MBD5: variants seen among roughly 807,000 people sequenced by gnomAD.
The protein encoded by MBD5 is methyl-CpG binding domain protein 5.
MBD5 carries 13 observed loss-of-function variants against 117.3 expected under a neutral mutation model. The ratio of observed to expected loss-of-function variants is 0.11; its 90% CI spans 0.07 to 0.18. The LOEUF is 0.18. Among genes scored for constraint, MBD5 ranks in the 10% least tolerant of loss-of-function variants. The pLI, the probability that MBD5 is intolerant of heterozygous loss-of-function variation, is 1.00. For synonymous variants in MBD5, 727 were observed against 766.4 expected (o/e 0.95, Z 0.85); for missense variants, 1,879 against 2,093.8 (o/e 0.90, Z 2.00).
intron 1 of MBD5, among the ~76,000 whole-genome samples, chr2:148,148,255 C>T (rs1697522765): frequency 6.6e-6 from 1 of 152,096 alleles, no homozygotes; most frequent in East Asian, 1.9e-4. Context: ...TTTGGGAACT[C>T]CTAAAACTGT....
intron 4 of MBD5, among the ~76,000 whole-genome samples, chr2:148,429,740 A>T (rs1211116201): frequency 6.6e-6 from 1 of 152,128 alleles, no homozygotes; most frequent in Non-Finnish European, 1.5e-5. Context: ...GCAAACTAAC[A>T]CAAGAACAGA....
chr2:148,298,070 C>G (rs1701696655), intron 3 of MBD5, among the ~76,000 whole-genome samples: 1 of 152,198 alleles, frequency 6.6e-6, no homozygotes, highest in South Asian at 2.1e-4. Flanking sequence ...TCTTGGCTTG[C>G]TTCTCCCAGC....
chr2:148,258,525 C>T lies in MBD5; in HGVS notation c.-680+25130C>T, dbSNP rs755962523. On this transcript the variant is annotated intron_variant, in intron 3 of 13. Coordinates refer to ENST00000642680, the MANE Select transcript of MBD5 (RefSeq NM_001378120.1). ...TGGCCTCCAATCGTCCAGTGTCCCC[C>T]CAAACTGGGCATCCCGGCAAGTTCC... Among the ~76,000 whole-genome samples, 43 of 152,234 alleles carry T rather than the reference C, an allele frequency of 2.8e-4. 1 individual carries two copies. Among genetic ancestry groups the T allele is most frequent in the Admixed American group, 1.2e-3 (19 of 15,292 alleles).
At chr2:148,385,188 G>T (rs567614287) in intron 4 of MBD5, among the ~76,000 whole-genome samples, 83 of 152,276 alleles carry the variant, frequency 5.5e-4, no homozygotes, top group African/African-American at 1.9e-3. Context: ...CCTACAGAAT[G>T]GGAGAAAATT....
chr2:148,297,940 C>G (rs776262677), intron 3 of MBD5, among the ~76,000 whole-genome samples: 12 of 152,170 alleles, frequency 7.9e-5, no homozygotes, highest in Non-Finnish European at 1.6e-4. Context: ...TTCTCCTCCC[C>G]CTGGGCAAAA....
chr2:148,459,113 A>G (rs937443786), intron 5 of MBD5, among the ~76,000 whole-genome samples: 1 of 152,158 alleles, frequency 6.6e-6, no homozygotes, highest in African/African-American at 2.4e-5. Flanking sequence ...AAGATTTCTA[A>G]AAGAAACATG....
chr2:148,116,210 T>TC lies in MBD5; in HGVS notation c.-924-62484dup, dbSNP rs72541984. Among the ~76,000 whole-genome samples, 583 of 145,724 alleles carry TC rather than the reference T, an allele frequency of 4.0e-3. 1 individual carries two copies. Among genetic ancestry groups the TC allele is most frequent in the African/African-American group, 0.011 (426 of 39,462 alleles). On this transcript the variant is annotated intron_variant, in intron 1 of 13. Coordinates refer to ENST00000642680, the MANE Select transcript of MBD5 (RefSeq NM_001378120.1). Reference sequence around the variant, plus strand: ...TTTTAATGTGGCTAGTACTGTTCCTTCCCCCCACCAAGAGACATATTGGAA... The same window carrying TC: ...TTTTAATGTGGCTAGTACTGTTCCTTCCCCCCCACCAAGAGACATATTGGAA...
At chr2:148,051,406 T>A (rs1694697648) in intron 1 of MBD5, among the ~76,000 whole-genome samples, 1 of 151,996 alleles carries the variant, frequency 6.6e-6, no homozygotes, top group South Asian at 2.1e-4. Flanking sequence ...CATTTCTGTT[T>A]TTCTTTTTTT....
chr2:148,326,096 C>T (rs1296967274), intron 3 of MBD5, among the ~76,000 whole-genome samples: 1 of 152,116 alleles, frequency 6.6e-6, no homozygotes, highest in African/African-American at 2.4e-5. Context: ...GTTATGTACC[C>T]AGTAGTCATT....
At chr2:148,399,384 G>T (rs1559055034) in intron 4 of MBD5, among the ~76,000 whole-genome samples, 1 of 151,676 alleles carries the variant, frequency 6.6e-6, no homozygotes, top group Non-Finnish European at 1.5e-5. Context: ...TTGTAAGTTG[G>T]ATTCCTAGGT....
intron 3 of MBD5, among the ~76,000 whole-genome samples, chr2:148,288,920 A>G (rs775334795): frequency 1.3e-5 from 2 of 152,186 alleles, no homozygotes; most frequent in African/African-American, 2.4e-5. Context: ...AATAAATCTT[A>G]TCCTAACCTG....
chr2:148,154,211 G>T (rs1256015022), intron 1 of MBD5, among the ~76,000 whole-genome samples: 2 of 151,612 alleles, frequency 1.3e-5, no homozygotes, highest in Non-Finnish European at 2.9e-5. Context: ...TGAGGTGTCA[G>T]TCTGCCCCTG....
chr2:148,494,984 T>TA (rs1241730661), intron 11 of MBD5, among the ~76,000 whole-genome samples: 2 of 151,690 alleles, frequency 1.3e-5, no homozygotes, highest in Admixed American at 6.6e-5. Flanking sequence ...ATAAAATAAA[T>TA]AAAAAAAATT....
Position 148,513,843 on chromosome 2 carries a change from T to G in MBD5, c.*902T>G, listed in dbSNP as rs1265076451. The G allele has an allele frequency of 6.6e-6, 1 of 152,238 alleles. No individual in the cohort carries two copies. Among genetic ancestry groups the G allele is most frequent in the Non-Finnish European group, 1.5e-5 (1 of 68,034 alleles). 9.4% of individuals were successfully genotyped at this position (152,238 alleles called of 1,614,324 possible). On this transcript the variant is annotated 3_prime_UTR_variant, in exon 14 of 14. Coordinates refer to ENST00000642680, the MANE Select transcript of MBD5 (RefSeq NM_001378120.1). ...GTTGAAGCAGATAGCTTATACTGAC[T>G]GCACCACCGCTGGTGCTCAGAATTG...
chr2:148,484,854 T>C (rs769513042), intron 9 of MBD5, among the ~76,000 whole-genome samples: 4 of 152,200 alleles, frequency 2.6e-5, no homozygotes, highest in Non-Finnish European at 5.9e-5. Context: ...CCATAAAGTC[T>C]AGAAACAGGG....
chr2:148,389,186 G>GGTGTGTGTGTGCGTGTGTGTGT (rs1704473344), intron 4 of MBD5, among the ~76,000 whole-genome samples: 2 of 89,590 alleles, frequency 2.2e-5, no homozygotes, highest in Non-Finnish European at 4.3e-5. Context: ...AGTATTCCGT[G>GGTGTGTGTGTGCGTGTGTGTGT]GTGTGTGTGT....
intron 12 of MBD5, among the ~76,000 whole-genome samples, chr2:148,505,604 ATGGGT>A (rs761453389): frequency 3.3e-4 from 51 of 152,310 alleles, no homozygotes; most frequent in Non-Finnish European, 6.2e-4. Context: ...CAGTAGAGTG[ATGGGT>A]ATACACACAA....
intron 2 of MBD5, among the ~76,000 whole-genome samples, chr2:148,223,411 A>G (rs1699741216): frequency 6.6e-6 from 1 of 151,756 alleles, no homozygotes. Context: ...TTCCTGGGAG[A>G]CTTTATTACA....
Position 148,153,064 on chromosome 2 carries a change from G to A in MBD5, c.-924-25636G>A, listed in dbSNP as rs2105673110. Among the ~76,000 whole-genome samples, 2 of 152,016 alleles carry A rather than the reference G, an allele frequency of 1.3e-5. 1 individual carries two copies. Among genetic ancestry groups the A allele is most frequent in the African/African-American group, 4.8e-5 (2 of 41,492 alleles). On this transcript the variant is annotated intron_variant, in intron 1 of 13. Transcript: ENST00000642680. ...GGTCTTTACATTTTGGCATGATTTT[G>A]CAGCGGCTGGTACCGATTATTCCTT...
Sources: gnomAD v4.1 joint callset for allele counts (sites outside exome capture counted in the v4.1 genomes callset) on GRCh38, gnomAD v4.1.1 for gene constraint, MANE v1.5 for transcripts, NCBI Gene and HGNC (gene_info 2026-07-23, HGNC 2026-07-21) for gene names.